CILP: variants seen among roughly 807,000 people sequenced by gnomAD.
CILP encodes cartilage intermediate layer protein 1.
CILP carries 75 observed loss-of-function variants against 82.5 expected under a neutral mutation model. The ratio of observed to expected loss-of-function variants is 0.91; its 90% CI spans 0.75 to 1.10. The LOEUF is 1.10. CILP is among the 50% of genes least tolerant of loss of function. CILP has a pLI of 0.00. For missense variants in CILP, 1,479 were observed against 1,530.8 expected (o/e 0.97, Z 0.56); for synonymous variants, 530 against 580.3 (o/e 0.91, Z 1.25).
In CILP at chr15:65,197,139, G is replaced by A. The variant is rs2088375796; in HGVS notation, c.3147C>T (p.His1049=). Residue 1049 remains histidine (H), a synonymous_variant, in exon 9 of 9, where the codon CAC becomes CAT. Transcript: ENST00000261883. ...NPMLHEYLVN[H]LPLAVNNDTS... is the part of the protein sequence containing the mutation. ...TGTCGTTGTTGACTGCAAGTGGCAA[G>A]TGGTTGACCAGGTACTCATGCAGCA... The A allele has an allele frequency of 6.2e-7, 1 of 1,613,856 alleles. No homozygotes were observed. The highest frequency in any genetic ancestry group is 8.5e-7 in the Non-Finnish European group (1 of 1,179,932).
rs377343450 is a variant in CILP, at chr15:65,204,441, G to A, written c.746C>T (p.Thr249Met). 696 of 1,613,992 alleles carry A rather than the reference G, an allele frequency of 4.3e-4. 1 individual carries two copies. The highest frequency in any genetic ancestry group is 5.6e-4 in the Non-Finnish European group (655 of 1,180,016). ...GTCTGTCTGGGTCAGCAGCTTCGGC[G>A]TCTTGGTCAGGAGGTAGATAGCAGC... Reference protein sequence around the residue: ...SGAAIYLLTKTPKLLTQTDSD... With the variant: ...SGAAIYLLTKMPKLLTQTDSD... Residue 249 changes from threonine to methionine, a missense_variant, in exon 6 of 9, where the codon ACG becomes ATG. By Grantham distance (81) the Thr-to-Met change is moderately conservative. Transcript: ENST00000261883.
Position 65,196,560 on chromosome 15 carries a change from G to A in CILP, c.*171C>T. The A allele has an allele frequency of 1.9e-6, 1 of 533,294 alleles. No individual in the cohort carries two copies. Among genetic ancestry groups the A allele is most frequent in the Admixed American group, 3.7e-5 (1 of 26,832 alleles). 33.0% of individuals were successfully genotyped at this position (533,294 alleles called of 1,614,324 possible). ...AGGGGCTTTATTGTGCCATTGTGGGGGCCACGTGCCAATCAGTAGCATGGG... is the reference window on the plus strand; with the variant it reads ...AGGGGCTTTATTGTGCCATTGTGGGAGCCACGTGCCAATCAGTAGCATGGG... On this transcript the variant is annotated 3_prime_UTR_variant, in exon 9 of 9. Coordinates refer to ENST00000261883, the MANE Select transcript of CILP (RefSeq NM_003613.4).
At chr15:65,207,962 T>A (rs890338191) in intron 2 of CILP, among the ~76,000 whole-genome samples, 198 bp from the exon 3 acceptor site, 1 of 152,232 alleles carries the variant, frequency 6.6e-6, no homozygotes, top group Non-Finnish European at 1.5e-5. Flanking sequence ...AAAATAGGAA[T>A]GCACTAATAA....
rs1161659365 is a variant in CILP at position 65,206,938 on chromosome 15, G to A, written c.268C>T (p.Leu90=). The A allele has an allele frequency of 1.1e-5, 18 of 1,614,072 alleles. No individual in the cohort carries two copies. The highest frequency in any genetic ancestry group is 1.5e-5 in the Non-Finnish European group (18 of 1,180,020). ...TCAGTGGTCCGAGCCTCTAGCCGCA[G>A]GGGACGGGCACATACACGGTCCCCA... ...YYGDRVCARP[L]RLEARTTDWT... The change falls in exon 4 of 9, where the codon CTG becomes TTG. Residue 90 remains leucine, a synonymous_variant. Transcript: ENST00000261883.
In CILP at chr15:65,198,955, C is replaced by A. The variant is rs745693039; in HGVS notation, c.1331G>T (p.Gly444Val). ...VKTCAGQQDN[G>V]IRCRDAVQNC... ...CTGCACAGCATCACGGCACCTGATC[C>A]CATTATCCTGCTGCCCTGCACAAGT... is the stretch of plus-strand genomic sequence containing the variant. Residue 444 changes from glycine (G) to valine (V), a missense_variant, in exon 9 of 9, where the codon GGG (glycine) becomes GTG (valine). Coordinates refer to ENST00000261883, the MANE Select transcript of CILP (RefSeq NM_003613.4). 8.1e-6 allele frequency: 13 copies of A among 1,613,780 alleles called. No homozygotes were observed. The highest frequency in any genetic ancestry group is 1.0e-5 in the Non-Finnish European group (12 of 1,180,042).
In CILP at chr15:65,196,572, A is replaced by G. The variant is rs577195114; in HGVS notation, c.*159T>C. ...GTGCCATTGTGGGGGCCACGTGCCA[A>G]TCAGTAGCATGGGACAAAGTAAGTA... On this transcript the variant is annotated 3_prime_UTR_variant, in exon 9 of 9. Coordinates refer to ENST00000261883, the MANE Select transcript of CILP (RefSeq NM_003613.4). 19 of 599,934 alleles carry G rather than the reference A, an allele frequency of 3.2e-5. No homozygotes were observed. Among genetic ancestry groups the G allele is most frequent in the African/African-American group, 3.2e-4 (17 of 53,784 alleles). The allele number at this position is 599,934 out of a possible 1,614,324, so 37.2% of individuals were successfully genotyped here.
At position 65,195,784 on chromosome 15, in the gene CILP, G is replaced by T. The variant is rs148263021; in HGVS notation, c.*947C>A. On this transcript the variant is annotated 3_prime_UTR_variant, in exon 9 of 9. Coordinates refer to ENST00000261883, the MANE Select transcript of CILP (RefSeq NM_003613.4). ...GACGTGTTTTTAGTCTTGCTCAGGAGCCCAGAACATGCTCACAACTCCAGG... is the reference window on the plus strand; with the variant it reads ...GACGTGTTTTTAGTCTTGCTCAGGATCCCAGAACATGCTCACAACTCCAGG... The T allele has an allele frequency of 1.3e-5, 2 of 152,204 alleles. No homozygotes were observed. The highest frequency in any genetic ancestry group is 1.3e-4 in the Admixed American group (2 of 15,278). The allele number at this position is 152,204 out of a possible 1,614,324, so 9.4% of individuals were successfully genotyped here.
At chr15:65,211,330 T>A (rs1399273849) in intron 1 of CILP, 98 bp downstream of exon 1, 4 of 147,198 alleles carry the variant, frequency 2.7e-5, no homozygotes, top group Non-Finnish European at 4.5e-5. Flanking sequence ...TGGGGGGAAG[T>A]GGGGAGAAGG....
At chr15:65,201,222 G>A (rs923220291) in intron 8 of CILP, among the ~76,000 whole-genome samples, 5 of 152,020 alleles carry the variant, frequency 3.3e-5, no homozygotes, top group South Asian at 2.1e-4. Context: ...GGCTGGTCTC[G>A]AACTCCAAAC....
In CILP at chr15:65,206,800, G is replaced by C; in HGVS notation, c.406C>G (p.Arg136Gly). 3 of 1,612,954 alleles carry C rather than the reference G, an allele frequency of 1.9e-6. No homozygotes were observed. Among genetic ancestry groups the C allele is most frequent in the Admixed American group, 3.3e-5 (2 of 60,002 alleles). Residue 136 changes from arginine (R) to glycine (G), a missense_variant, in exon 4 of 9, where the codon CGC (arginine) becomes GGC (glycine). By Grantham distance (125) the Arg-to-Gly change is moderately radical (BLOSUM62 -2). Transcript: ENST00000261883. ...GGCTTACCTGGTGGGCAGAGGAAGC[G>C]TACGGTGTAATTAGAGCAGTTCTGG... The part of the protein sequence containing the change: ...PGQNCSNYTV[R>G]FLCPPGSLRR...
rs2140668241 is a variant in CILP, at chr15:65,195,680, C to T, written c.*1051G>A. On this transcript the variant is annotated 3_prime_UTR_variant, in exon 9 of 9. Coordinates refer to ENST00000261883, the MANE Select transcript of CILP (RefSeq NM_003613.4). ...GGCTGTTGGGAGAGCCAAAGGACCACTTGGCCAGCTTGTCAGACCCTGGGC... is the reference window on the plus strand; with the variant it reads ...GGCTGTTGGGAGAGCCAAAGGACCATTTGGCCAGCTTGTCAGACCCTGGGC... The T allele has an allele frequency of 6.6e-6, 1 of 152,366 alleles. No homozygotes were observed. The highest frequency in any genetic ancestry group is 3.4e-3 in the Middle Eastern group (1 of 294). The allele number at this position is 152,366 out of a possible 1,614,324, so 9.4% of individuals were successfully genotyped here.
At chr15:65,202,799 GA>G (rs1378348740) in intron 7 of CILP, among the ~76,000 whole-genome samples, 1 of 148,870 alleles carries the variant, frequency 6.7e-6, no homozygotes, top group Non-Finnish European at 1.5e-5. Context: ...TACAAGTCTG[GA>G]CCCCAAGACC....
rs771802247 is a variant in CILP, at chr15:65,198,961, T to A, written c.1325A>T (p.Asp442Val). The change falls in exon 9 of 9, where the codon GAT becomes GTT. Residue 442 changes from aspartate (D) to valine (V), a missense_variant. Physicochemically the swap from Asp to Val is radical, Grantham distance 152. Transcript: ENST00000261883. Reference protein sequence around the residue: ...CPVKTCAGQQDNGIRCRDAVQ... With the variant: ...CPVKTCAGQQVNGIRCRDAVQ... Reference sequence around the variant, plus strand: ...AGCATCACGGCACCTGATCCCATTATCCTGCTGCCCTGCACAAGTCTTAAC... The same window carrying A: ...AGCATCACGGCACCTGATCCCATTAACCTGCTGCCCTGCACAAGTCTTAAC... 1.2e-6 allele frequency: 2 copies of A among 1,613,822 alleles called. No homozygotes were observed. Among genetic ancestry groups the A allele is most frequent in the Non-Finnish European group, 8.5e-7 (1 of 1,180,026 alleles).
Position 65,209,823 on chromosome 15 carries a change from G to GT in CILP, c.-69_-68insA. ...GGTGCTTCACAGAGTCACTGACTCT[G>GT]GAATGCGGTCCCCTGGGAAGTTTCT... On this transcript the variant is annotated 5_prime_UTR_variant, in exon 2 of 9. Transcript: ENST00000261883. The GT allele has an allele frequency of 2.5e-5, 35 of 1,404,632 alleles. No homozygotes were observed. Among genetic ancestry groups the GT allele is most frequent in the Non-Finnish European group, 3.1e-5 (31 of 991,894 alleles). The allele number at this position is 1,404,632 out of a possible 1,614,324, so 87.0% of individuals were successfully genotyped here.
rs760973054 is a variant in CILP at position 65,201,984 on chromosome 15, C to G, written c.1074G>C (p.Glu358Asp). 1.9e-6 allele frequency: 3 copies of G among 1,604,172 alleles called. No individual in the cohort carries two copies. The Admixed American group carries it at 5.1e-5, about 27-fold the overall frequency. Residue 358 changes from glutamate (E) to aspartate (D), a missense_variant, in exon 8 of 9, where the codon GAG becomes GAC. Transcript: ENST00000261883. ...TLLDPSLYKH[E>D]SKLVLRKLQQ... ...GCAGTTTCCTCAGCACCAGCTTGCT[C>G]TCATGCTTGTAGAGGGAAGGATCCA...
At position 65,201,970 on chromosome 15, in the gene CILP, A is replaced by G; in HGVS notation, c.1088T>C (p.Leu363Pro). 1 of 1,606,646 alleles carries G rather than the reference A, an allele frequency of 6.2e-7. No individual in the cohort carries two copies. The highest frequency in any genetic ancestry group is 8.5e-7 in the Non-Finnish European group (1 of 1,176,904). Residue 363 changes from leucine (L) to proline (P), a missense_variant, in exon 8 of 9, where the codon CTG becomes CCG. Transcript: ENST00000261883. ...AGCCTGGTGCTGCTGCAGTTTCCTC[A>G]GCACCAGCTTGCTCTCATGCTTGTA... ...SLYKHESKLV[L>P]RKLQQHQAGE...
chr15:65,197,221 C>T lies in CILP; in HGVS notation c.3065G>A (p.Arg1022His), dbSNP rs200825053. 103 of 1,613,916 alleles carry T rather than the reference C, an allele frequency of 6.4e-5. No individual in the cohort carries two copies. The highest frequency in any genetic ancestry group is 1.2e-4 in the Admixed American group (7 of 60,000). ...CTGGGGGATGACCTTCACCAGGGTG[C>T]GGTCCACACGGTCCTGATCATAGAG... ...GMLYDQDRVD[R>H]TLVKVIPQGS... Residue 1022 changes from arginine (R) to histidine (H), a missense_variant, in exon 9 of 9, where the codon CGC (arginine) becomes CAC (histidine). Transcript: ENST00000261883.
At position 65,198,187 on chromosome 15, in the gene CILP, G is replaced by A. The variant is rs2088400724; in HGVS notation, c.2099C>T (p.Ser700Leu). ...PEHISTVKLW[S>L]LNPDTGLWEE... ...CCACAGCCCTGTGTCTGGATTGAGT[G>A]ACCAGAGTTTCACTGTGGATATGTG... Residue 700 changes from serine to leucine, a missense_variant, in exon 9 of 9, where the codon TCA becomes TTA. Coordinates refer to ENST00000261883, the MANE Select transcript of CILP (RefSeq NM_003613.4). The A allele has an allele frequency of 1.2e-6, 2 of 1,614,214 alleles. No individual in the cohort carries two copies. The highest frequency in any genetic ancestry group is 1.7e-6 in the Non-Finnish European group (2 of 1,180,042).
In CILP at chr15:65,204,309, C is replaced by A; in HGVS notation, c.878G>T (p.Ser293Ile). The A allele has an allele frequency of 6.2e-7, 1 of 1,614,142 alleles. No homozygotes were observed. The highest frequency in any genetic ancestry group is 8.5e-7 in the Non-Finnish European group (1 of 1,180,026). ...APIVLTMPKT[S>I]LKAATIKAEF... ...TGCCTTGATGGTGGCTGCCTTCAGGCTAGTCTTGGGCATTGTGAGTACAAT... is the reference window on the plus strand; with the variant it reads ...TGCCTTGATGGTGGCTGCCTTCAGGATAGTCTTGGGCATTGTGAGTACAAT... Residue 293 changes from serine (S) to isoleucine (I), a missense_variant, in exon 6 of 9, where the codon AGC becomes ATC. Coordinates refer to ENST00000261883, the MANE Select transcript of CILP (RefSeq NM_003613.4).
Sources: allele counts gnomAD v4.1 joint callset (sites outside exome capture counted in the v4.1 genomes callset), GRCh38; gene constraint gnomAD v4.1.1; transcripts MANE v1.5; gene names NCBI Gene and HGNC (gene_info 2026-07-23, HGNC 2026-07-21).